The following NRIP1 variants were observed in gnomAD, a reference collection of about 807,000 sequenced individuals.
NRIP1 encodes nuclear receptor-interacting protein 1.
Under a neutral mutation model 75.0 loss-of-function variants are expected in NRIP1, and 28 were observed. The observed-to-expected ratio is 0.37, with a 90% CI of 0.28 to 0.51. The LOEUF (loss-of-function observed/expected upper bound fraction) is 0.51. NRIP1 is among the 20% of genes least tolerant of loss of function. The pLI is 0.92. For synonymous variants in NRIP1, 526 were observed against 487.6 expected (o/e 1.08, Z -1.04); for missense variants, 1,435 against 1,343.7 (o/e 1.07, Z -1.06).
At chr21:15,024,423 T>C (rs1021567998) in intron 2 of NRIP1, among the ~76,000 whole-genome samples, 3 of 152,064 alleles carry the variant, frequency 2.0e-5, no homozygotes, top group Non-Finnish European at 4.4e-5. Context: ...TCACCTGTAA[T>C]CCCAGCTACT....
chr21:14,978,333 T>C (rs887780197), intron 3 of NRIP1, among the ~76,000 whole-genome samples: 7 of 152,182 alleles, frequency 4.6e-5, no homozygotes, highest in African/African-American at 4.8e-5. Flanking sequence ...GTTGTGGAAA[T>C]AGCCCTGACC....
intron 3 of NRIP1, among the ~76,000 whole-genome samples, chr21:14,998,849 G>A (rs974399297): frequency 6.6e-6 from 1 of 152,142 alleles, no homozygotes; most frequent in Non-Finnish European, 1.5e-5. Context: ...AATGTTATTG[G>A]TGAGGCTTCT....
chr21:15,012,841 A>G (rs2088140837), intron 3 of NRIP1, among the ~76,000 whole-genome samples: 2 of 152,148 alleles, frequency 1.3e-5, no homozygotes, highest in African/African-American at 4.8e-5. Context: ...ATGGCTACCT[A>G]TAATTTACTT....
chr21:15,018,308 T>A (rs769969893), intron 2 of NRIP1, among the ~76,000 whole-genome samples: 2 of 152,168 alleles, frequency 1.3e-5, no homozygotes, highest in Non-Finnish European at 2.9e-5. Context: ...CTATGCTAGG[T>A]GTTGGAATTA....
intron 2 of NRIP1, among the ~76,000 whole-genome samples, chr21:15,040,120 TG>T (rs1347249503): frequency 6.6e-6 from 1 of 152,118 alleles, no homozygotes; most frequent in South Asian, 2.1e-4. Flanking sequence ...GTGGCTACTG[TG>T]CACTTGAAAG....
At chr21:15,034,758 C>T (rs965599638) in intron 2 of NRIP1, among the ~76,000 whole-genome samples, 13 of 151,060 alleles carry the variant, frequency 8.6e-5, no homozygotes, top group Non-Finnish European at 2.9e-5. Context: ...AAGCATGGAC[C>T]GAGGTTTGTG....
chr21:15,034,861 G>C (rs187739592), intron 2 of NRIP1, among the ~76,000 whole-genome samples: 6 of 152,258 alleles, frequency 3.9e-5, no homozygotes, highest in Admixed American at 1.3e-4. Flanking sequence ...TGGTGATTAA[G>C]TAAAACAGTG....
In NRIP1 at chr21:14,990,943, T is replaced by G. The variant is rs76802419; in HGVS notation, c.-334-22417A>C. Among the ~76,000 whole-genome samples the G allele has an allele frequency of 0.016, 2,426 of 152,220 alleles. 240 individuals are homozygous for G. The East Asian group carries it at 0.28, about 18-fold the overall frequency. On this transcript the variant is annotated intron_variant, in intron 3 of 3. Coordinates refer to ENST00000318948, the MANE Select transcript of NRIP1 (RefSeq NM_003489.4). Reference sequence around the variant, plus strand: ...GGAAGAAGGGTTACCCTAGGTCAGGTAAGGCCAGTTGTACCTAAGGGCTCT... The same window carrying G: ...GGAAGAAGGGTTACCCTAGGTCAGGGAAGGCCAGTTGTACCTAAGGGCTCT...
intron 3 of NRIP1, among the ~76,000 whole-genome samples, chr21:14,983,607 G>C (rs1195146217): frequency 6.6e-6 from 1 of 152,164 alleles, no homozygotes; most frequent in East Asian, 1.9e-4. Context: ...GCCTTAAATT[G>C]GAAGAAGATT....
At chr21:14,997,021 T>C (rs918933100) in intron 3 of NRIP1, among the ~76,000 whole-genome samples, 12 of 152,010 alleles carry the variant, frequency 7.9e-5, no homozygotes, top group Non-Finnish European at 1.5e-4. Flanking sequence ...CATAAGGCAT[T>C]TCGGATATTT....
At chr21:15,054,696 G>A (rs1043130669) in intron 1 of NRIP1, among the ~76,000 whole-genome samples, 1 of 152,186 alleles carries the variant, frequency 6.6e-6, no homozygotes, top group Non-Finnish European at 1.5e-5. Context: ...TTCTACTGCT[G>A]TGCCAAATTT....
intron 3 of NRIP1, among the ~76,000 whole-genome samples, chr21:15,007,662 G>C (rs2088004232): frequency 6.6e-6 from 1 of 152,224 alleles, no homozygotes; most frequent in South Asian, 2.1e-4. Context: ...TTTCAGAACA[G>C]TGTGAGAGCG....
intron 1 of NRIP1, among the ~76,000 whole-genome samples, chr21:15,045,389 A>G (rs1464169015): frequency 2.0e-5 from 3 of 152,246 alleles, no homozygotes; most frequent in South Asian, 2.1e-4. Flanking sequence ...AGTGCACATA[A>G]AAGTTATGTT....
Position 14,966,024 on chromosome 21 carries a change from C to T in NRIP1, c.2169G>A (p.Gly723=). Residue 723 remains glycine (G), a synonymous_variant, in exon 4 of 4, where the codon GGG becomes GGA. Coordinates refer to ENST00000318948, the MANE Select transcript of NRIP1 (RefSeq NM_003489.4). ...LQLLLGNPNK[G]KSEKKEKTPL... ...GAGTTTTCTCTTTTTTTTCACTCTT[C>T]CCTTTGTTGGGGTTCCCCAGGAGCA... The T allele has an allele frequency of 6.2e-7, 1 of 1,610,778 alleles. No homozygotes were observed. Among genetic ancestry groups the T allele is most frequent in the Non-Finnish European group, 8.5e-7 (1 of 1,179,194 alleles).
intron 3 of NRIP1, among the ~76,000 whole-genome samples, chr21:15,009,263 A>G (rs1473732184): frequency 6.6e-6 from 1 of 152,228 alleles, no homozygotes; most frequent in African/African-American, 2.4e-5. Flanking sequence ...TCCCATCTCT[A>G]GAGTCGTTAT....
At chr21:15,017,024 A>C (rs1482862019) in intron 2 of NRIP1, among the ~76,000 whole-genome samples, 1 of 152,102 alleles carries the variant, frequency 6.6e-6, no homozygotes, top group Admixed American at 6.5e-5. Context: ...GAAGGAAGGA[A>C]GGAAGGAAAG....
At chr21:15,065,356 T>C (rs1231108352), upstream of NRIP1, among the ~76,000 whole-genome samples, 1 of 150,446 alleles carries the variant, frequency 6.6e-6, no homozygotes, top group Non-Finnish European at 1.5e-5. Flanking sequence ...GGCTCCCAGC[T>C]CTGTCCAGCC....
Position 14,964,664 on chromosome 21 carries a change from A to C in NRIP1, c.*52T>G, listed in dbSNP as rs367856117. The C allele has an allele frequency of 4.6e-6, 6 of 1,314,792 alleles. No homozygotes were observed. The highest frequency in any genetic ancestry group is 5.2e-6 in the Non-Finnish European group (5 of 959,242). The allele number at this position is 1,314,792 out of a possible 1,614,324, so 81.4% of individuals were successfully genotyped here. A position where few individuals can be genotyped will look rare whatever the true frequency, so the allele number is the denominator to read the frequency against. On this transcript the variant is annotated 3_prime_UTR_variant, in exon 4 of 4. Coordinates refer to ENST00000318948, the MANE Select transcript of NRIP1 (RefSeq NM_003489.4). ...CATGCTCTTATTTATACAGATCTCA[A>C]GTTCATACTCATTAGTTTTAAAAAG...
At chr21:15,004,012 T>C (rs2087908491) in intron 3 of NRIP1, among the ~76,000 whole-genome samples, 1 of 152,214 alleles carries the variant, frequency 6.6e-6, no homozygotes, top group Non-Finnish European at 1.5e-5. Context: ...ATTTTCTTTT[T>C]GCAAACCTGA....
Sources: gnomAD v4.1 joint callset for allele counts (sites outside exome capture counted in the v4.1 genomes callset) on GRCh38, gnomAD v4.1.1 for gene constraint, MANE v1.5 for transcripts, NCBI Gene and HGNC (gene_info 2026-07-23, HGNC 2026-07-21) for gene names.